Variants in LEPR observed in about 807,000 individuals in gnomAD.
LEPR encodes leptin receptor.
LEPR carries 56 observed loss-of-function variants against 114.7 expected under a neutral mutation model. The ratio of observed to expected loss-of-function variants is 0.49; its 90% CI spans 0.39 to 0.61. The LOEUF (loss-of-function observed/expected upper bound fraction) is 0.61, where lower values mean the gene tolerates loss of function less well. Ranked by LOEUF, LEPR falls within the 20% of genes least tolerant of loss-of-function variation. The pLI is 0.00. For missense variants in LEPR, 1,202 were observed against 1,352.9 expected, an observed-to-expected ratio of 0.89 and a Z score of 1.75; for synonymous variants, 443 against 461.4, an observed-to-expected ratio of 0.96 and a Z score of 0.51.
intron 2 of LEPR, among the ~76,000 whole-genome samples, chr1:65,482,987 CAAAA>C (rs1190386900): frequency 3.2e-5 from 2 of 63,080 alleles, no homozygotes; most frequent in African/African-American, 5.5e-5. Flanking sequence ...GACTCTGTCT[CAAAA>C]AAAAAAAAAA....
At position 65,433,807 on chromosome 1, in the gene LEPR, GTTTAAC is replaced by G. The variant is rs1342248685; in HGVS notation, c.-21+8435_-21+8440del. 6.2e-6 allele frequency: 6 copies of G among 975,004 alleles called. No homozygotes were observed. In the Middle Eastern group the frequency reaches 1.6e-3, roughly 255 times the overall value. 60.4% of individuals were successfully genotyped at this position (975,004 alleles called of 1,614,324 possible). ...ATAAATTTCACTTTTAACTTTAAAA[GTTTAAC>G]TTTAAAATTTTTTTGTGATGTTGCC... On this transcript the variant is annotated intron_variant, in intron 2 of 19. Transcript: ENST00000349533.
chr1:65,446,523 A>G (rs1258485416), intron 2 of LEPR, among the ~76,000 whole-genome samples: 2 of 152,184 alleles, frequency 1.3e-5, no homozygotes, highest in African/African-American at 4.8e-5. Context: ...GTCCCTTCTG[A>G]CTAATGATGT....
intron 2 of LEPR, among the ~76,000 whole-genome samples, chr1:65,548,131 T>G (rs1399772248): frequency 6.6e-6 from 1 of 152,218 alleles, no homozygotes; most frequent in African/African-American, 2.4e-5. Flanking sequence ...AGAGAGTTTC[T>G]GAATCCTCAG....
At chr1:65,613,632 A>G (rs2100981634) in intron 14 of LEPR, among the ~76,000 whole-genome samples, 1 of 130,366 alleles carries the variant, frequency 7.7e-6, no homozygotes, top group South Asian at 2.3e-4. Flanking sequence ...GGGCGCCTGT[A>G]GTCCCAGCTA....
At chr1:65,534,073 G>A (rs1650589831) in intron 2 of LEPR, among the ~76,000 whole-genome samples, 1 of 152,004 alleles carries the variant, frequency 6.6e-6, no homozygotes, top group Admixed American at 6.6e-5. Flanking sequence ...TAAATTCAAT[G>A]TCTTTCCACT....
At position 65,638,271 on chromosome 1, in the gene LEPR, A is replaced by AT. The variant is rs1024315395; in HGVS notation, c.*1258dup. 39 of 152,340 alleles carry AT rather than the reference A, an allele frequency of 2.6e-4. No homozygotes were observed. Among genetic ancestry groups the AT allele is most frequent in the African/African-American group, 8.7e-4 (36 of 41,586 alleles). The allele number at this position is 152,340 out of a possible 1,614,324, so 9.4% of individuals were successfully genotyped here. On this transcript the variant is annotated 3_prime_UTR_variant, in exon 20 of 20. Transcript: ENST00000349533. Reference sequence around the variant, plus strand: ...GTAGAAGTATAATGCTGGATGAGAAATTAAGTGAGAATTGCACAGATCTCA... The same window carrying AT: ...GTAGAAGTATAATGCTGGATGAGAAATTTAAGTGAGAATTGCACAGATCTCA...
At chr1:65,454,828 C>T (rs1337580251) in intron 2 of LEPR, among the ~76,000 whole-genome samples, 2 of 152,156 alleles carry the variant, frequency 1.3e-5, no homozygotes, top group African/African-American at 2.4e-5. Context: ...GAATGTTAGC[C>T]TGCCTTGCTA....
intron 19 of LEPR, among the ~76,000 whole-genome samples, chr1:65,626,674 G>A (rs931066977): frequency 2.0e-5 from 3 of 151,946 alleles, no homozygotes; most frequent in Non-Finnish European, 2.9e-5. Flanking sequence ...ACAGGGTCTC[G>A]CTCTGTCACC....
chr1:65,543,306 G>A (rs910578636), intron 2 of LEPR, among the ~76,000 whole-genome samples: 1 of 151,704 alleles, frequency 6.6e-6, no homozygotes, highest in African/African-American at 2.4e-5. Flanking sequence ...CTTTTGATGG[G>A]GTTGTTTGTT....
Position 65,572,312 on chromosome 1 carries a change from TTTTTTA to T in LEPR, c.371-13_371-8del. On this transcript the variant is annotated splice_region_variant and splice_polypyrimidine_tract_variant and intron_variant, in intron 4 of 19. Coordinates refer to ENST00000349533, the MANE Select transcript of LEPR (RefSeq NM_002303.6). ...GTTGTTTTTTTTTTTTTTTTTTTTT[TTTTTTA>T]AATTCAGATGCAAACTGGAACATAC... 6.8e-7 allele frequency: 1 copy of T among 1,462,886 alleles called. No individual in the cohort carries two copies. The highest frequency in any genetic ancestry group is 2.6e-5 in the East Asian group (1 of 37,934). 90.6% of individuals were successfully genotyped at this position (1,462,886 alleles called of 1,614,324 possible). A position where few individuals can be genotyped will look rare whatever the true frequency, so the allele number is the denominator to read the frequency against.
intron 2 of LEPR, among the ~76,000 whole-genome samples, chr1:65,474,532 G>T (rs569679923): frequency 1.3e-5 from 2 of 152,174 alleles, no homozygotes; most frequent in Non-Finnish European, 2.9e-5. Flanking sequence ...AGAAGTCTTT[G>T]AGCAGTCAAT....
chr1:65,595,788 G>A (rs1371187559), intron 6 of LEPR, among the ~76,000 whole-genome samples: 1 of 151,862 alleles, frequency 6.6e-6, no homozygotes, highest in Admixed American at 6.6e-5. Flanking sequence ...TATCACTTTG[G>A]CGATCTTTAT....
At chr1:65,611,175 T>C (rs1657141882) in intron 14 of LEPR, among the ~76,000 whole-genome samples, 1 of 152,242 alleles carries the variant, frequency 6.6e-6, no homozygotes, top group Admixed American at 6.5e-5. Flanking sequence ...TTAGTTTCTT[T>C]TGTTATTGCT....
chr1:65,534,031 G>A (rs1650586452), intron 2 of LEPR, among the ~76,000 whole-genome samples: 1 of 152,068 alleles, frequency 6.6e-6, no homozygotes, highest in African/African-American at 2.4e-5. Context: ...AGATGTGTCT[G>A]TAGTAAACAG....
At chr1:65,570,437 T>C (rs762896703) in intron 3 of LEPR, 36 bp from the exon 4 acceptor site, 2 of 1,593,284 alleles carry the variant, frequency 1.3e-6, no homozygotes, top group Middle Eastern at 1.7e-4. Flanking sequence ...TCAAAATGAT[T>C]ACTTTTTTCT....
chr1:65,626,366 G>A, intron 19 of LEPR: 5 of 1,207,736 alleles, frequency 4.1e-6, no homozygotes, highest in Admixed American at 4.0e-5. Context: ...CTTATTTGTA[G>A]GACTGATTTT....
intron 6 of LEPR, among the ~76,000 whole-genome samples, chr1:65,595,988 G>A (rs1031940099): frequency 2.0e-5 from 3 of 152,058 alleles, no homozygotes; most frequent in Admixed American, 2.0e-4. Context: ...CTAGATTATA[G>A]TGATCTAAAA....
intron 2 of LEPR, among the ~76,000 whole-genome samples, chr1:65,463,662 A>G (rs1646974466): frequency 6.6e-6 from 1 of 152,162 alleles, no homozygotes; most frequent in African/African-American, 2.4e-5. Context: ...TGAACATGGA[A>G]TGTTCTTCCA....
At chr1:65,504,509 A>G (rs536610117) in intron 2 of LEPR, among the ~76,000 whole-genome samples, 2 of 152,218 alleles carry the variant, frequency 1.3e-5, no homozygotes, top group Non-Finnish European at 2.9e-5. Context: ...CATGTAACAA[A>G]CATCACACTG....
Sources: gnomAD v4.1 joint callset for allele counts (sites outside exome capture counted in the v4.1 genomes callset) on GRCh38, gnomAD v4.1.1 for gene constraint, MANE v1.5 for transcripts, NCBI Gene and HGNC (gene_info 2026-07-23, HGNC 2026-07-21) for gene names.